Variants in SPON1 observed in about 807,000 individuals in gnomAD.
The protein encoded by SPON1 is spondin-1.
A neutral mutation model predicts 111.7 loss-of-function variants in SPON1; 52 were observed. The observed-to-expected ratio is 0.47, with a 90% CI of 0.37 to 0.59. SPON1 has a LOEUF of 0.59. Among genes scored for constraint, SPON1 ranks in the 20% least tolerant of loss-of-function variants. The probability of loss-of-function intolerance (pLI) is 0.00; values close to 1 mark genes in which losing one functional copy is unlikely to be tolerated. For missense variants in SPON1, 957 were observed against 1,068.5 expected, an observed-to-expected ratio of 0.90 and a Z score of 1.46; for synonymous variants, 410 against 395.8, an observed-to-expected ratio of 1.04 and a Z score of -0.43.
At chr11:14,018,065 T>C (rs1848455858) in intron 2 of SPON1, among the ~76,000 whole-genome samples, 1 of 152,236 alleles carries the variant, frequency 6.6e-6, no homozygotes, top group Non-Finnish European at 1.5e-5. Context: ...TACTGAACAA[T>C]TCTTTAGCTC....
intron 1 of SPON1, among the ~76,000 whole-genome samples, chr11:13,968,928 A>G (rs530683635): frequency 1.3e-5 from 2 of 152,338 alleles, no homozygotes; most frequent in Non-Finnish European, 2.9e-5. Context: ...ATTTTTCAAA[A>G]AGATGAAACA....
intron 6 of SPON1, among the ~76,000 whole-genome samples, chr11:14,178,807 A>G (rs1848208026): frequency 8.4e-6 from 1 of 119,616 alleles, no homozygotes; most frequent in South Asian, 2.6e-4. Flanking sequence ...CTCTGCTATT[A>G]TGGTAAGTGT....
chr11:14,079,840 C>G, intron 4 of SPON1, 59 bp from the exon 5 acceptor site: 2 of 1,597,866 alleles, frequency 1.3e-6, no homozygotes, highest in East Asian at 2.2e-5. Context: ...CATGATAGCA[C>G]CACCTTATAT....
intron 6 of SPON1, among the ~76,000 whole-genome samples, chr11:14,202,855 G>C (rs550892088): frequency 6.6e-6 from 1 of 152,022 alleles, no homozygotes; most frequent in South Asian, 2.1e-4. Context: ...CGATTACACC[G>C]GGCAGAGTCA....
intron 2 of SPON1, among the ~76,000 whole-genome samples, chr11:14,021,707 T>G (rs1848482623): frequency 6.6e-6 from 1 of 152,246 alleles, no homozygotes; most frequent in Admixed American, 6.5e-5. Context: ...GACCCTGCCC[T>G]GTGTTTCCCA....
At chr11:14,204,178 C>G (rs914907068) in intron 6 of SPON1, among the ~76,000 whole-genome samples, 5 of 152,198 alleles carry the variant, frequency 3.3e-5, no homozygotes, top group Admixed American at 2.6e-4. Flanking sequence ...TCCATGGGCT[C>G]GGGCCAAGGC....
chr11:14,088,574 C>T (rs570860765), intron 5 of SPON1, among the ~76,000 whole-genome samples: 93 of 152,020 alleles, frequency 6.1e-4, no homozygotes, highest in African/African-American at 2.1e-3. Flanking sequence ...TTTTTTCCTT[C>T]ATTTCAACCT....
intron 6 of SPON1, among the ~76,000 whole-genome samples, chr11:14,160,919 ATATATT>A (rs1554931107): frequency 1.7e-5 from 1 of 57,730 alleles, no homozygotes. Flanking sequence ...ATATATATTT[ATATATT>A]TATATATTTA....
intron 6 of SPON1, among the ~76,000 whole-genome samples, chr11:14,162,238 C>T (rs1209216618): frequency 1.3e-5 from 2 of 150,956 alleles, no homozygotes; most frequent in Admixed American, 6.6e-5. Flanking sequence ...ATGTATATTA[C>T]ACATATATGT....
At chr11:13,965,267 T>C (rs189508853) in intron 1 of SPON1, among the ~76,000 whole-genome samples, 1 of 152,330 alleles carries the variant, frequency 6.6e-6, no homozygotes, top group Non-Finnish European at 1.5e-5. Flanking sequence ...GAGGTATTTT[T>C]TCATATCAGG....
intron 5 of SPON1, among the ~76,000 whole-genome samples, chr11:14,094,120 G>A (rs1371964572): frequency 6.6e-6 from 1 of 151,540 alleles, no homozygotes; most frequent in African/African-American, 2.4e-5. Flanking sequence ...GCTGAGGCAC[G>A]AGAATCGCTT....
intron 5 of SPON1, among the ~76,000 whole-genome samples, chr11:14,102,542 C>T (rs1609340): frequency 0.65 from 99,136 of 152,044 alleles, 32,513 homozygotes; most frequent in East Asian, 0.82. Flanking sequence ...AACCATATCA[C>T]ACAGCACAGT....
intron 6 of SPON1, among the ~76,000 whole-genome samples, chr11:14,200,325 TA>T (rs1848448568): frequency 6.6e-6 from 1 of 152,186 alleles, no homozygotes; most frequent in Non-Finnish European, 1.5e-5. Context: ...AGGAATCCGC[TA>T]ACATTTGATA....
intron 6 of SPON1, among the ~76,000 whole-genome samples, chr11:14,155,876 C>T (rs552580946): frequency 0.011 from 1,440 of 128,758 alleles, 90 homozygotes; most frequent in African/African-American, 0.038. Context: ...ATATGTGCCA[C>T]ATTTTCTTAA....
chr11:14,262,589 A>G (rs1849198674), intron 14 of SPON1, 123 bp from the exon 15 acceptor site: 1 of 1,299,456 alleles, frequency 7.7e-7, no homozygotes, highest in African/African-American at 1.5e-5. Flanking sequence ...CTTCTTCTGT[A>G]AAATAGCATG....
At position 14,259,701 on chromosome 11, in the gene SPON1, C is replaced by T. The variant is rs1249185199; in HGVS notation, c.1831C>T (p.His611Tyr). The change falls in exon 13 of 16, where the codon CAC (histidine) becomes TAC (tyrosine). Residue 611 changes from histidine to tyrosine, a missense_variant and splice_region_variant. Physicochemically the swap from His to Tyr is moderately conservative, Grantham distance 83 (BLOSUM62 2). Coordinates refer to ENST00000576479, the MANE Select transcript of SPON1 (RefSeq NM_006108.4). This position sits in a 1 kb window ranked among gnomAD's most constrained non-coding sequence, Gnocchi z 5.0. ...AGAGAAGTGCATGATGCCAGAGTGC[C>T]GTGAGTGAGAGCGGGGGTGGACTTG... ...QAEKCMMPEC[H>Y]TIPCLLSPWS... 13 of 1,570,934 alleles carry T rather than the reference C, an allele frequency of 8.3e-6. No homozygotes were observed. The highest frequency in any genetic ancestry group is 5.4e-5 in the African/African-American group (4 of 73,918).
chr11:14,197,973 T>A (rs1554935258), intron 6 of SPON1, among the ~76,000 whole-genome samples: 4 of 152,320 alleles, frequency 2.6e-5, no homozygotes, highest in African/African-American at 9.6e-5. Flanking sequence ...TTAATTTTGT[T>A]TTTATGTTTA....
chr11:14,220,062 G>A (rs1848664458), intron 6 of SPON1, among the ~76,000 whole-genome samples: 1 of 149,024 alleles, frequency 6.7e-6, no homozygotes, highest in Non-Finnish European at 1.5e-5. Context: ...ACTCCAGCCT[G>A]GGCAACAGAG....
Position 14,058,607 on chromosome 11 carries a change from G to A in SPON1, c.480-16738G>A, listed in dbSNP as rs538302890. 1.3e-4 allele frequency among the ~76,000 whole-genome samples: 20 copies of A among 152,290 alleles called. No individual in the cohort carries two copies. In the South Asian group the frequency reaches 1.9e-3, roughly 14 times the overall value. On this transcript the variant is annotated intron_variant, in intron 3 of 15. Coordinates refer to ENST00000576479, the MANE Select transcript of SPON1 (RefSeq NM_006108.4). ...GAGCAAGGAGGACTGTGATTGGGGC[G>A]AAGGTGAGGCCATGGTAAGGAGTGG...
Sources: allele counts gnomAD v4.1 joint callset (sites outside exome capture counted in the v4.1 genomes callset), GRCh38; gene constraint gnomAD v4.1.1; non-coding constraint Gnocchi (gnomAD v3.1); transcripts MANE v1.5; gene names NCBI Gene and HGNC (gene_info 2026-07-23, HGNC 2026-07-21).